Variants in LUC7L2 observed in about 807,000 individuals in gnomAD.
The protein encoded by LUC7L2 is LUC7 like 2, pre-mRNA splicing factor, also known as putative RNA-binding protein Luc7-like 2.
LUC7L2 carries 25 observed loss-of-function variants against 52.8 expected under a neutral mutation model. The observed-to-expected ratio is 0.47, with a 90% CI of 0.34 to 0.66. The LOEUF is 0.66. Among genes scored for constraint, LUC7L2 ranks in the 30% least tolerant of loss-of-function variants. The probability of loss-of-function intolerance (pLI) is 0.01; values close to 1 mark genes in which losing one functional copy is unlikely to be tolerated. For synonymous variants in LUC7L2, 144 were observed against 160.9 expected, an observed-to-expected ratio of 0.89 and a Z score of 0.80; for missense variants, 328 against 497.8, an observed-to-expected ratio of 0.66 and a Z score of 3.25.
intron 1 of LUC7L2, among the ~76,000 whole-genome samples, chr7:139,363,976 CTTTTTTTTTTTTTTTT>C (rs1169793101): frequency 4.2e-5 from 4 of 96,080 alleles, no homozygotes; most frequent in African/African-American, 5.8e-5. Context: ...AGATTACATC[CTTTTTTTTTTTTTTTT>C]TTTTTTTTTT....
chr7:139,341,204 C>T (rs1396120611), intron 1 of LUC7L2: 2 of 1,095,484 alleles, frequency 1.8e-6, no homozygotes, highest in South Asian at 2.0e-5. Flanking sequence ...TTTGTTACGG[C>T]GCCCCTGGGC....
chr7:139,375,829 G>T, intron 1 of LUC7L2: 1 of 422,126 alleles, frequency 2.4e-6, no homozygotes. Context: ...CTATTTAACA[G>T]AATGCATTGC....
intron 1 of LUC7L2, among the ~76,000 whole-genome samples, chr7:139,353,942 C>T (rs1364637458): frequency 6.6e-6 from 1 of 152,042 alleles, no homozygotes; most frequent in South Asian, 2.1e-4. Flanking sequence ...TGGCGAAACC[C>T]CGTCTCTACT....
At chr7:139,389,690 T>C (rs1794346086) in intron 2 of LUC7L2, among the ~76,000 whole-genome samples, 1 of 152,018 alleles carries the variant, frequency 6.6e-6, no homozygotes, top group Non-Finnish European at 1.5e-5. Context: ...AGCTGTAATA[T>C]AATATTATAT....
In LUC7L2 at chr7:139,414,138, C is replaced by G. The variant is rs181872511; in HGVS notation, c.809+1558C>G. On this transcript the variant is annotated intron_variant, in intron 8 of 9. Coordinates refer to ENST00000354926, the MANE Select transcript of LUC7L2 (RefSeq NM_016019.5). The stretch of plus-strand genomic sequence containing the variant: ...TTAGTTCTCTGTGCTTGCCCACCCC[C>G]CTTCTTCACCTCATTCTATTTTTCA... Among the ~76,000 whole-genome samples the G allele has an allele frequency of 3.6e-3, 553 of 152,324 alleles. 5 individuals carry two copies. Among genetic ancestry groups the G allele is most frequent in the Admixed American group, 8.2e-3 (125 of 15,294 alleles).
chr7:139,411,443 C>A lies in LUC7L2; in HGVS notation c.780-1108C>A, dbSNP rs1437139164. On this transcript the variant is annotated intron_variant, in intron 7 of 9. Transcript: ENST00000354926. ...CCATATTCATCTAATCTTTATAAAC[C>A]CCACCCCCACTCCACCCCAGTAAAA... 3.3e-5 allele frequency among the ~76,000 whole-genome samples: 5 copies of A among 151,972 alleles called. No individual in the cohort carries two copies. In the East Asian group the frequency reaches 9.7e-4, roughly 29 times the overall value.
intron 3 of LUC7L2, among the ~76,000 whole-genome samples, chr7:139,399,223 C>T (rs1436760883): frequency 6.6e-6 from 1 of 151,762 alleles, no homozygotes; most frequent in Non-Finnish European, 1.5e-5. Context: ...GTTATTATTC[C>T]CCAAACATTA....
chr7:139,403,504 T>C (rs1219107157), intron 4 of LUC7L2, among the ~76,000 whole-genome samples: 2 of 152,254 alleles, frequency 1.3e-5, no homozygotes, highest in East Asian at 3.9e-4. Flanking sequence ...AGGGTTGCTT[T>C]TAGTCAACCT....
chr7:139,353,386 C>T (rs1799510153), intron 1 of LUC7L2, among the ~76,000 whole-genome samples: 1 of 152,148 alleles, frequency 6.6e-6, no homozygotes, highest in African/African-American at 2.4e-5. Context: ...TTTTAATTAC[C>T]TAGTTTTAAA....
At chr7:139,359,018 C>G (rs746187004), upstream of LUC7L2, 1 of 152,224 alleles carries the variant, frequency 6.6e-6, no homozygotes, top group Non-Finnish European at 1.5e-5. Context: ...TTTAGAAACA[C>G]CAGGGAAAGG....
chr7:139,340,744 G>A (rs1798899911), intron 1 of LUC7L2: 4 of 379,102 alleles, frequency 1.1e-5, no homozygotes, highest in Non-Finnish European at 1.9e-5. Flanking sequence ...CTAAGCCAGG[G>A]ATTGTGGGTT....
intron 1 of LUC7L2, among the ~76,000 whole-genome samples, chr7:139,370,890 A>G (rs113712085): frequency 1.3e-4 from 11 of 87,244 alleles, no homozygotes; most frequent in African/African-American, 1.0e-3. Flanking sequence ...ATGGAGGGAA[A>G]AAGAGGGAGG....
chr7:139,356,613 G>GT (rs990878842), upstream of LUC7L2, among the ~76,000 whole-genome samples: 25 of 113,554 alleles, frequency 2.2e-4, no homozygotes, highest in African/African-American at 7.6e-4. Flanking sequence ...GAAAACCTGC[G>GT]TTAAAAAAAA....
intron 2 of LUC7L2, among the ~76,000 whole-genome samples, chr7:139,385,945 A>G (rs898901000): frequency 3.9e-5 from 6 of 152,224 alleles, no homozygotes; most frequent in Admixed American, 1.3e-4. Flanking sequence ...AGTTATAAAT[A>G]CATCATTTGG....
chr7:139,374,282 T>G, intron 1 of LUC7L2: 1 of 743,206 alleles, frequency 1.3e-6, no homozygotes, highest in Non-Finnish European at 2.2e-6. Context: ...TGTTCACTTT[T>G]GTTTTTATAT....
At chr7:139,358,253 C>T (rs1306147938), upstream of LUC7L2, among the ~76,000 whole-genome samples, 1 of 152,160 alleles carries the variant, frequency 6.6e-6, no homozygotes, top group African/African-American at 2.4e-5. Flanking sequence ...GGTGATCCGC[C>T]CGCCTCTGCC....
chr7:139,353,043 C>T (rs1176101566), intron 1 of LUC7L2, among the ~76,000 whole-genome samples: 1 of 151,984 alleles, frequency 6.6e-6, no homozygotes, highest in Non-Finnish European at 1.5e-5. Flanking sequence ...ACTAAAAATA[C>T]AAAAATTAGC....
At chr7:139,376,234 G>T in intron 2 of LUC7L2, 78 bp downstream of exon 2, 7 of 1,435,884 alleles carry the variant, frequency 4.9e-6, no homozygotes, top group Non-Finnish European at 5.8e-6. Flanking sequence ...TTAATTCTGT[G>T]TCAAAAGAAT....
At position 139,422,387 on chromosome 7, in the gene LUC7L2, G is replaced by A. The variant is rs370218831; in HGVS notation, c.*47G>A. The A allele has an allele frequency of 4.0e-5, 62 of 1,565,078 alleles. No homozygotes were observed. The Admixed American group carries it at 5.6e-4, about 14-fold the overall frequency. ...GTCCTTAAGCTTCCTACGGAGTTACGTACTATTGTTTAGTTCACAGCTGTT... is the reference window on the plus strand; with the variant it reads ...GTCCTTAAGCTTCCTACGGAGTTACATACTATTGTTTAGTTCACAGCTGTT... On this transcript the variant is annotated 3_prime_UTR_variant, in exon 10 of 10. Coordinates refer to ENST00000354926, the MANE Select transcript of LUC7L2 (RefSeq NM_016019.5).
Sources: gnomAD v4.1 joint callset for allele counts (sites outside exome capture counted in the v4.1 genomes callset) on GRCh38, gnomAD v4.1.1 for gene constraint, MANE v1.5 for transcripts, NCBI Gene and HGNC (gene_info 2026-07-23, HGNC 2026-07-21) for gene names.